PCLO: variants seen among roughly 807,000 people sequenced by gnomAD.
The protein encoded by PCLO is protein piccolo.
PCLO carries 82 observed loss-of-function variants against 427.5 expected under a neutral mutation model. The ratio of observed to expected loss-of-function variants is 0.19; its 90% CI spans 0.16 to 0.23. PCLO has a LOEUF of 0.23. Among genes scored for constraint, PCLO ranks in the 10% least tolerant of loss-of-function variants. The pLI is 1.00. For missense variants in PCLO, 6,239 were observed against 6,115.9 expected, an observed-to-expected ratio of 1.02 and a Z score of -0.67; for synonymous variants, 2,357 against 2,155.4, an observed-to-expected ratio of 1.09 and a Z score of -2.59.
At chr7:83,042,901 C>T (rs558322126) in intron 3 of PCLO, among the ~76,000 whole-genome samples, 24 of 152,196 alleles carry the variant, frequency 1.6e-4, no homozygotes, top group Admixed American at 3.3e-4. Flanking sequence ...AAGATGATGA[C>T]AACAGGGCAG....
intron 3 of PCLO, among the ~76,000 whole-genome samples, chr7:83,117,377 TA>T (rs1791161025): frequency 6.6e-6 from 1 of 152,238 alleles, no homozygotes; most frequent in African/African-American, 2.4e-5. Flanking sequence ...ACCTGTTTTC[TA>T]TACTAGGTCT....
intron 10 of PCLO, among the ~76,000 whole-genome samples, chr7:82,878,659 C>A (rs1002233883): frequency 2.2e-4 from 33 of 152,152 alleles, no homozygotes; most frequent in Non-Finnish European, 4.4e-5. Context: ...TTATCTCCTA[C>A]TCTAATGATC....
Position 83,120,119 on chromosome 7 carries a change from G to A in PCLO, c.3300+14131C>T, listed in dbSNP as rs1045891563. The stretch of plus-strand genomic sequence containing the variant: ...GATCAGAATAGAAAGTTTATTCAGG[G>A]AGGCCAGGCATGGTGGTTCATGCCT... On this transcript the variant is annotated intron_variant, in intron 3 of 24. Transcript: ENST00000333891. Among the ~76,000 whole-genome samples, 9 of 151,886 alleles carry A rather than the reference G, an allele frequency of 5.9e-5. No homozygotes were observed. In the South Asian group the frequency reaches 1.0e-3, roughly 17 times the overall value.
intron 3 of PCLO, among the ~76,000 whole-genome samples, chr7:83,081,074 G>A (rs1790088012): frequency 6.6e-6 from 1 of 151,906 alleles, no homozygotes; most frequent in Non-Finnish European, 1.5e-5. Context: ...CTGATAAGGG[G>A]TGGACTACTG....
intron 10 of PCLO, among the ~76,000 whole-genome samples, chr7:82,866,814 T>G (rs1202573095): frequency 6.6e-6 from 1 of 152,144 alleles, no homozygotes; most frequent in South Asian, 2.1e-4. Context: ...TATGCTGAAC[T>G]ATTAAAAATT....
chr7:82,931,718 C>T (rs545083515), intron 6 of PCLO, among the ~76,000 whole-genome samples: 1 of 152,160 alleles, frequency 6.6e-6, no homozygotes, highest in African/African-American at 2.4e-5. Flanking sequence ...GCAAGAAAAA[C>T]AGTGCAAGCA....
chr7:82,816,293 T>A (rs1189576554), intron 20 of PCLO, among the ~76,000 whole-genome samples: 1 of 152,118 alleles, frequency 6.6e-6, no homozygotes, highest in African/African-American at 2.4e-5. Context: ...AATCAACAAT[T>A]AGTGTCTTTG....
chr7:82,897,272 T>C (rs564989126), intron 9 of PCLO, among the ~76,000 whole-genome samples: 1 of 151,730 alleles, frequency 6.6e-6, no homozygotes, highest in South Asian at 2.1e-4. Context: ...ACCTATTCTT[T>C]CCACTCTGTT....
chr7:83,040,745 G>C (rs1380492684), intron 3 of PCLO, among the ~76,000 whole-genome samples: 1 of 152,054 alleles, frequency 6.6e-6, no homozygotes, highest in Non-Finnish European at 1.5e-5. Context: ...AATGATGTCA[G>C]TTTCTTTGGA....
At chr7:82,883,836 T>A (rs1793567201) in intron 9 of PCLO, among the ~76,000 whole-genome samples, 1 of 152,186 alleles carries the variant, frequency 6.6e-6, no homozygotes, top group South Asian at 2.1e-4. Flanking sequence ...AGTGGTGCGA[T>A]CTTGGCCCAC....
chr7:82,781,190 G>C (rs1028164889), intron 22 of PCLO, among the ~76,000 whole-genome samples: 3 of 139,382 alleles, frequency 2.2e-5, no homozygotes, highest in Non-Finnish European at 5.0e-5. Context: ...TTCATTTCAG[G>C]TAAGGTAAAA....
At chr7:82,866,454 A>C (rs1038006790) in intron 10 of PCLO, among the ~76,000 whole-genome samples, 1 of 152,098 alleles carries the variant, frequency 6.6e-6, no homozygotes, top group Non-Finnish European at 1.5e-5. Context: ...ATGTCCAAGA[A>C]GAGAAATTAC....
Position 82,949,985 on chromosome 7 carries a change from T to C in PCLO, c.10603A>G (p.Arg3535Gly), listed in dbSNP as rs1437604159. ...ACTCGTGCCCGTATGGAGGGTGTTCTTATGGTTCCAACTGGTTCAGTTTGC... is the reference window on the plus strand; with the variant it reads ...ACTCGTGCCCGTATGGAGGGTGTTCCTATGGTTCCAACTGGTTCAGTTTGC... ...SVQTEPVGTI[R>G]TPSIRARVDA... The change falls in exon 6 of 25, where the codon AGA becomes GGA. Residue 3535 changes from arginine to glycine, a missense_variant. Physicochemically the swap from Arg to Gly is moderately radical, Grantham distance 125. Coordinates refer to ENST00000333891, the MANE Select transcript of PCLO (RefSeq NM_033026.6). The C allele has an allele frequency of 1.2e-6, 2 of 1,613,570 alleles. No individual in the cohort carries two copies. The highest frequency in any genetic ancestry group is 8.5e-7 in the Non-Finnish European group (1 of 1,179,796).
At chr7:82,908,827 T>C (rs1460850846) in intron 8 of PCLO, 50 bp downstream of exon 8, 4 of 1,502,320 alleles carry the variant, frequency 2.7e-6, no homozygotes, top group Non-Finnish European at 3.7e-6. Context: ...TAGGGTAGAC[T>C]TGAGTCTTTT....
intron 3 of PCLO, among the ~76,000 whole-genome samples, chr7:82,978,857 A>ACACACACACACAC (rs1796084013): frequency 7.2e-6 from 1 of 138,592 alleles, no homozygotes; most frequent in African/African-American, 2.8e-5. Context: ...CACACACACA[A>ACACACACACACAC]ACACACACAC....
At chr7:83,084,225 T>C (rs1241397068) in intron 3 of PCLO, among the ~76,000 whole-genome samples, 1 of 152,030 alleles carries the variant, frequency 6.6e-6, no homozygotes, top group African/African-American at 2.4e-5. Context: ...TATTTATGAA[T>C]TTTGGAATTG....
At chr7:82,802,866 A>G (rs1701507019) in intron 21 of PCLO, among the ~76,000 whole-genome samples, 1 of 152,178 alleles carries the variant, frequency 6.6e-6, no homozygotes, top group Admixed American at 6.5e-5. Context: ...GCACATAATA[A>G]AAGAACACAT....
chr7:83,054,776 T>C (rs1789337750), intron 3 of PCLO, among the ~76,000 whole-genome samples: 1 of 151,994 alleles, frequency 6.6e-6, no homozygotes, highest in South Asian at 2.1e-4. Context: ...GCAGAAGCAT[T>C]GCCAATGAGG....
intron 4 of PCLO, among the ~76,000 whole-genome samples, chr7:82,959,838 G>A (rs988596883): frequency 1.3e-5 from 2 of 152,038 alleles, no homozygotes; most frequent in Non-Finnish European, 2.9e-5. Context: ...TGGCAAGTTG[G>A]CAAAGTGTTT....
Sources: gnomAD v4.1 joint callset for allele counts (sites outside exome capture counted in the v4.1 genomes callset) on GRCh38, gnomAD v4.1.1 for gene constraint, MANE v1.5 for transcripts, NCBI Gene and HGNC (gene_info 2026-07-23, HGNC 2026-07-21) for gene names.